VRK2: variants seen among roughly 807,000 people sequenced by gnomAD.
VRK2 encodes serine/threonine-protein kinase VRK2.
In VRK2, 60 loss-of-function variants were observed where a neutral mutation model predicts 57.6. The observed-to-expected ratio is 1.04, with a 90% CI of 0.85 to 1.29. The LOEUF is 1.29. VRK2 is among the 50% of genes most tolerant of loss of function. The pLI is 0.00. For missense variants in VRK2, 705 were observed against 588.1 expected (o/e 1.20, Z -2.06); for synonymous variants, 231 against 199.2 (o/e 1.16, Z -1.35).
chr2:58,140,080 G>A (rs1681101165), intron 11 of VRK2, among the ~76,000 whole-genome samples: 1 of 152,058 alleles, frequency 6.6e-6, no homozygotes, highest in Admixed American at 6.6e-5. Flanking sequence ...TCATAGAGAT[G>A]TGACTAGGGT....
At chr2:57,948,378 A>G (rs1671324943) in intron 1 of VRK2, among the ~76,000 whole-genome samples, 1 of 152,176 alleles carries the variant, frequency 6.6e-6, no homozygotes, top group South Asian at 2.1e-4. Context: ...TGGGGGAAGG[A>G]AAGAAAGGCA....
At chr2:57,959,703 G>A (rs1671696337) in intron 1 of VRK2, among the ~76,000 whole-genome samples, 1 of 152,194 alleles carries the variant, frequency 6.6e-6, no homozygotes, top group African/African-American at 2.4e-5. Flanking sequence ...TTAACCCTTG[G>A]AAAATACAAT....
rs142953320 is a variant in VRK2 at position 57,975,647 on chromosome 2, C to G, written c.-438-50018C>G. Among the ~76,000 whole-genome samples the G allele has an allele frequency of 3.3e-5, 5 of 152,086 alleles. No individual in the cohort carries two copies. In the East Asian group the frequency reaches 9.7e-4, roughly 29 times the overall value. The stretch of plus-strand genomic sequence containing the variant: ...GAAGTTTTTCAGGCCTTGTACTCCT[C>G]CCTCCTTCCTTTCGGAGTCCCTACC... On this transcript the variant is annotated intron_variant, in intron 1 of 15. Transcript: ENST00000417641.
At chr2:57,948,159 TG>T (rs1671318927) in intron 1 of VRK2, among the ~76,000 whole-genome samples, 5 of 152,344 alleles carry the variant, frequency 3.3e-5, no homozygotes, top group Admixed American at 2.0e-4. Flanking sequence ...CTGACCAAGC[TG>T]ATTTTGTCTT....
chr2:58,108,528 C>G (rs1675091185), intron 7 of VRK2, among the ~76,000 whole-genome samples: 1 of 151,332 alleles, frequency 6.6e-6, no homozygotes, highest in African/African-American at 2.4e-5. Context: ...CTTTTTTTTT[C>G]CTGGCTTGTG....
At chr2:57,963,571 G>C (rs1354054944) in intron 1 of VRK2, among the ~76,000 whole-genome samples, 1 of 152,070 alleles carries the variant, frequency 6.6e-6, no homozygotes, top group Non-Finnish European at 1.5e-5. Flanking sequence ...TGCTTTTTGT[G>C]GATTATGAAA....
chr2:58,091,717 C>A (rs1383156254), intron 7 of VRK2, among the ~76,000 whole-genome samples: 1 of 151,400 alleles, frequency 6.6e-6, no homozygotes, highest in African/African-American at 2.4e-5. Context: ...AAGAAAAACA[C>A]TAAATACCTT....
intron 1 of VRK2, among the ~76,000 whole-genome samples, chr2:58,015,923 A>G (rs2103659277): frequency 6.6e-6 from 1 of 151,876 alleles, no homozygotes. Context: ...GGCAAATTTG[A>G]TTTTGTTTTT....
rs1369913176 is a variant in VRK2, at chr2:58,082,776, G to A, written c.137-1313G>A. Among the ~76,000 whole-genome samples the A allele has an allele frequency of 1.2e-4, 18 of 151,746 alleles. No individual in the cohort carries two copies. In the Admixed American group the frequency reaches 1.2e-3, roughly 10 times the overall value. On this transcript the variant is annotated intron_variant, in intron 2 of 12. Transcript: ENST00000340157. ...AAGTAAGTTTAGTTTCTTTGTTATT[G>A]TAAAGAGGTCTGGGTTTACAATTTA...
At chr2:57,973,084 T>C (rs1434610778) in intron 1 of VRK2, among the ~76,000 whole-genome samples, 1 of 151,926 alleles carries the variant, frequency 6.6e-6, no homozygotes, top group Non-Finnish European at 1.5e-5. Context: ...TGAGTTTTGT[T>C]AGACATTGCC....
chr2:58,091,208 G>T (rs938889995), intron 7 of VRK2, among the ~76,000 whole-genome samples: 3 of 152,118 alleles, frequency 2.0e-5, no homozygotes, highest in Non-Finnish European at 4.4e-5. Flanking sequence ...GTAAACTGTG[G>T]CTTTTGGATG....
chr2:58,083,360 T>A (rs1411625374), intron 2 of VRK2, among the ~76,000 whole-genome samples: 1 of 151,884 alleles, frequency 6.6e-6, no homozygotes, highest in Non-Finnish European at 1.5e-5. Context: ...AATCTTTTAA[T>A]AATTTAGGTA....
chr2:57,952,915 C>T (rs755813615), intron 1 of VRK2, among the ~76,000 whole-genome samples: 2 of 152,142 alleles, frequency 1.3e-5, no homozygotes, highest in Admixed American at 6.5e-5. Flanking sequence ...TGGGCCTTGA[C>T]TTAGAAGACA....
chr2:58,148,855 C>A (rs1207938904), intron 12 of VRK2, among the ~76,000 whole-genome samples: 3 of 151,798 alleles, frequency 2.0e-5, no homozygotes, highest in Non-Finnish European at 4.4e-5. Context: ...TTCTATTCTA[C>A]TTGTCTCTCC....
chr2:58,010,611 G>T (rs1460590237), intron 1 of VRK2, among the ~76,000 whole-genome samples: 3 of 152,028 alleles, frequency 2.0e-5, no homozygotes, highest in African/African-American at 7.2e-5. Context: ...GGAAAATCGG[G>T]GTATGCAGGG....
chr2:58,020,262 A>AG (rs1266278429), intron 1 of VRK2, among the ~76,000 whole-genome samples: 1 of 152,206 alleles, frequency 6.6e-6, no homozygotes, highest in Non-Finnish European at 1.5e-5. Flanking sequence ...CCCGGCCTGG[A>AG]GGGCAGTGGT....
At chr2:58,135,066 AGT>A in intron 9 of VRK2, 73 bp from the exon 10 acceptor site, 1 of 1,514,452 alleles carries the variant, frequency 6.6e-7, no homozygotes. Context: ...CAACACATAG[AGT>A]GTTTTGTTTT....
At chr2:58,090,027 G>T (rs1208488152) in intron 7 of VRK2, among the ~76,000 whole-genome samples, 2 of 152,170 alleles carry the variant, frequency 1.3e-5, no homozygotes, top group Non-Finnish European at 2.9e-5. Flanking sequence ...TCCAGTGGGA[G>T]TAGAGATGGA....
At chr2:58,136,683 C>A (rs890298430) in intron 10 of VRK2, among the ~76,000 whole-genome samples, 1 of 151,204 alleles carries the variant, frequency 6.6e-6, no homozygotes, top group African/African-American at 2.4e-5. Flanking sequence ...CTGCGCCTGG[C>A]CCTTATTGGC....
Sources: allele counts gnomAD v4.1 joint callset (sites outside exome capture counted in the v4.1 genomes callset), GRCh38; gene constraint gnomAD v4.1.1; transcripts MANE v1.5; gene names NCBI Gene and HGNC (gene_info 2026-07-23, HGNC 2026-07-21).